The following RUSC2 variants were observed in gnomAD, a reference collection of about 807,000 sequenced individuals.
RUSC2 encodes the protein RUN and SH3 domain containing 2.
Under a neutral mutation model 122.2 loss-of-function variants are expected in RUSC2, and 34 were observed. That is an observed-to-expected ratio of 0.28 (90% CI 0.21 to 0.37). RUSC2 has a LOEUF of 0.37. RUSC2 is among the 10% of genes least tolerant of loss of function. RUSC2 has a pLI of 1.00. For synonymous variants in RUSC2, 784 were observed against 790.0 expected, an observed-to-expected ratio of 0.99 and a Z score of 0.13; for missense variants, 1,747 against 1,952.4, an observed-to-expected ratio of 0.89 and a Z score of 1.98.
chr9:35,561,422 C>A lies in RUSC2; in HGVS notation c.*40C>A. Reference sequence around the variant, plus strand: ...TGGTGGCCTCAGGGACCCTCATAACCCCCAGACTCAGAGCCCGAGAGCCCT... The same window carrying A: ...TGGTGGCCTCAGGGACCCTCATAACACCCAGACTCAGAGCCCGAGAGCCCT... On this transcript the variant is annotated 3_prime_UTR_variant, in exon 12 of 12. Coordinates refer to ENST00000361226, the MANE Select transcript of RUSC2 (RefSeq NM_014806.5). 5.9e-6 allele frequency: 9 copies of A among 1,527,972 alleles called. No individual in the cohort carries two copies. The highest frequency in any genetic ancestry group is 8.0e-6 in the Non-Finnish European group (9 of 1,126,300). 94.7% of individuals were successfully genotyped at this position (1,527,972 alleles called of 1,614,324 possible).
At chr9:35,542,149 G>T (rs1042677380) in intron 1 of RUSC2, among the ~76,000 whole-genome samples, 7 of 152,144 alleles carry the variant, frequency 4.6e-5, no homozygotes, top group Admixed American at 2.0e-4. Flanking sequence ...ATCGTCTATG[G>T]AGGAGCCATT....
chr9:35,492,507 A>G (rs137912188), intron 1 of RUSC2, among the ~76,000 whole-genome samples: 55 of 152,130 alleles, frequency 3.6e-4, no homozygotes, highest in African/African-American at 1.3e-3. Context: ...GGCATTTAAT[A>G]TAATTTTTGT....
intron 11 of RUSC2, 34 bp downstream of exon 11, chr9:35,561,131 C>T (rs576231452): frequency 4.1e-5 from 66 of 1,613,028 alleles, no homozygotes; most frequent in South Asian, 2.2e-4. Context: ...CTGAGGGGGG[C>T]GGGGGGCTTT....
intron 2 of RUSC2, among the ~76,000 whole-genome samples, chr9:35,550,151 A>G (rs1821858087): frequency 6.6e-6 from 1 of 151,580 alleles, no homozygotes. Flanking sequence ...TGGAGATTGC[A>G]GTGAGCCGAG....
chr9:35,538,705 G>C (rs1446670760), intron 1 of RUSC2: 1 of 152,436 alleles, frequency 6.6e-6, no homozygotes, highest in African/African-American at 2.4e-5. Context: ...GCTGTCTTAA[G>C]AGTGCTCCAT....
At chr9:35,556,219 G>T in intron 4 of RUSC2, 82 bp downstream of exon 4, 1 of 1,597,088 alleles carries the variant, frequency 6.3e-7, no homozygotes, top group South Asian at 1.1e-5. Flanking sequence ...AGTCCCAAAG[G>T]AACGTGTCTC....
chr9:35,559,280 C>T lies in RUSC2; in HGVS notation c.3388+8C>T. The T allele has an allele frequency of 6.2e-7, 1 of 1,610,678 alleles. No homozygotes were observed. The highest frequency in any genetic ancestry group is 8.5e-7 in the Non-Finnish European group (1 of 1,176,812). On this transcript the variant is annotated splice_region_variant and intron_variant, in intron 9 of 11. Transcript: ENST00000361226. ...ACCTCTATAACCACGAAGGTAATGC[C>T]TAGAACCCTGCAGGTCAAACTCAAT... is the stretch of plus-strand genomic sequence containing the variant.
rs1822055581 is a variant in RUSC2, at chr9:35,557,873, G to A, written c.2984-41G>A. ...TTCAGCCCCAGCTGAGTTGGTTAAG[G>A]ACTTGCTCAGGGACCTGTCACATCA... On this transcript the variant is annotated intron_variant, in intron 5 of 11. Coordinates refer to ENST00000361226, the MANE Select transcript of RUSC2 (RefSeq NM_014806.5). This position sits in a 1 kb window ranked among gnomAD's most constrained non-coding sequence, Gnocchi z 4.6. The A allele has an allele frequency of 6.3e-7, 1 of 1,584,794 alleles. No individual in the cohort carries two copies. The highest frequency in any genetic ancestry group is 8.7e-7 in the Non-Finnish European group (1 of 1,153,144).
intron 1 of RUSC2, among the ~76,000 whole-genome samples, chr9:35,503,344 G>A (rs911203985): frequency 6.6e-6 from 1 of 152,168 alleles, no homozygotes; most frequent in African/African-American, 2.4e-5. Context: ...CCTACTATGA[G>A]TGAGAACATA....
chr9:35,507,319 G>A (rs1347819852), intron 1 of RUSC2, among the ~76,000 whole-genome samples: 1 of 152,158 alleles, frequency 6.6e-6, no homozygotes, highest in African/African-American at 2.4e-5. Flanking sequence ...ATAGCTTAGT[G>A]AATTCCATTC....
In RUSC2 at chr9:35,558,619, C is replaced by G. The variant is rs974449822; in HGVS notation, c.3341+52C>G. 6.9e-7 allele frequency: 1 copy of G among 1,444,090 alleles called. No individual in the cohort carries two copies. Among genetic ancestry groups the G allele is most frequent in the African/African-American group, 1.4e-5 (1 of 71,518 alleles). 89.5% of individuals were successfully genotyped at this position (1,444,090 alleles called of 1,614,324 possible). On this transcript the variant is annotated intron_variant, in intron 8 of 11. Transcript: ENST00000361226. The surrounding 1 kb of genome is among the most constrained non-coding windows in gnomAD (Gnocchi z 4.3). ...CTAAACAACTTGCCCTGCCCCCCAC[C>G]CCCGGGCTCTGCCTGCACCAAGGAA...
chr9:35,543,257 C>T (rs540299834), intron 1 of RUSC2, among the ~76,000 whole-genome samples: 167 of 152,198 alleles, frequency 1.1e-3, no homozygotes, highest in African/African-American at 3.7e-3. Flanking sequence ...GAAACCATGT[C>T]TCTACAAAAA....
At chr9:35,502,986 G>A (rs1820844709) in intron 1 of RUSC2, among the ~76,000 whole-genome samples, 1 of 152,040 alleles carries the variant, frequency 6.6e-6, no homozygotes, top group African/African-American at 2.4e-5. Flanking sequence ...TTAGCCTCCT[G>A]AGTAGCTGGG....
chr9:35,500,498 A>G (rs1820800837), intron 1 of RUSC2, among the ~76,000 whole-genome samples: 1 of 152,190 alleles, frequency 6.6e-6, no homozygotes, highest in Admixed American at 6.5e-5. Flanking sequence ...AAAACACCCC[A>G]AAACTTAGTG....
chr9:35,552,661 A>T (rs1821924017), intron 2 of RUSC2, among the ~76,000 whole-genome samples: 1 of 152,226 alleles, frequency 6.6e-6, no homozygotes, highest in South Asian at 2.1e-4. Context: ...CGAACCAGTG[A>T]GTGCTCAGTG....
intron 1 of RUSC2, among the ~76,000 whole-genome samples, chr9:35,540,037 T>C (rs575716808): frequency 6.6e-6 from 1 of 152,190 alleles, no homozygotes; most frequent in Non-Finnish European, 1.5e-5. Flanking sequence ...ACCTTCTTTC[T>C]GGGGTTTTCC....
At chr9:35,536,808 CAAAAAAAA>C (rs67604535) in intron 1 of RUSC2, among the ~76,000 whole-genome samples, 1 of 69,620 alleles carries the variant, frequency 1.4e-5, no homozygotes, top group Non-Finnish European at 2.5e-5. Flanking sequence ...GAGTGAAACT[CAAAAAAAA>C]AAAAAAAAAA....
chr9:35,540,537 A>G (rs1821622256), intron 1 of RUSC2, among the ~76,000 whole-genome samples: 1 of 152,188 alleles, frequency 6.6e-6, no homozygotes, highest in Non-Finnish European at 1.5e-5. Context: ...AGGAATGTGA[A>G]CCACAAGAGC....
At chr9:35,521,038 GACTT>G in intron 1 of RUSC2, among the ~76,000 whole-genome samples, 1 of 152,300 alleles carries the variant, frequency 6.6e-6, no homozygotes, top group Non-Finnish European at 1.5e-5. Context: ...AGTCTCTAGA[GACTT>G]ACAGCTAGCA....
Sources: gnomAD v4.1 joint callset for allele counts (sites outside exome capture counted in the v4.1 genomes callset) on GRCh38, gnomAD v4.1.1 for gene constraint, Gnocchi (gnomAD v3.1) non-coding constraint, MANE v1.5 for transcripts, NCBI Gene and HGNC (gene_info 2026-07-23, HGNC 2026-07-21) for gene names.